DCLK1: variants seen among roughly 807,000 people sequenced by gnomAD.
The protein encoded by DCLK1 is doublecortin like kinase 1.
DCLK1 carries 16 observed loss-of-function variants against 86.2 expected under a neutral mutation model. The ratio of observed to expected loss-of-function variants is 0.19; its 90% CI spans 0.13 to 0.28. DCLK1 has a LOEUF of 0.28. DCLK1 is among the 10% of genes least tolerant of loss of function. DCLK1 has a pLI of 1.00. For synonymous variants in DCLK1, 369 were observed against 370.5 expected (o/e 1.00, Z 0.05); for missense variants, 590 against 940.2 (o/e 0.63, Z 4.87).
intron 4 of DCLK1, among the ~76,000 whole-genome samples, chr13:35,898,424 C>T (rs1480778330): frequency 6.6e-6 from 1 of 152,178 alleles, no homozygotes; most frequent in Non-Finnish European, 1.5e-5. Context: ...GAAAAACTTG[C>T]TTTTACTAAT....
intron 3 of DCLK1, among the ~76,000 whole-genome samples, chr13:36,082,976 C>T (rs1329153070): frequency 6.6e-6 from 1 of 151,432 alleles, no homozygotes; most frequent in Non-Finnish European, 1.5e-5. Context: ...AGGGAATGGG[C>T]TCTGTCCACA....
Position 35,901,653 on chromosome 13 carries a change from G to A in DCLK1, c.824-30313C>T, listed in dbSNP as rs543638113. On this transcript the variant is annotated intron_variant, in intron 4 of 16. Coordinates refer to ENST00000360631, the MANE Select transcript of DCLK1 (RefSeq NM_001330071.2). ...ACTCCCTTTGCGTGTTCTCTTACAG[G>A]CCTCCTCTCTTAGACCCTGGCCCAG... Among the ~76,000 whole-genome samples the A allele has an allele frequency of 2.0e-5, 3 of 151,948 alleles. No individual in the cohort carries two copies. The East Asian group carries it at 5.8e-4, about 29-fold the overall frequency.
At chr13:35,793,903 A>G (rs937187112) in intron 15 of DCLK1, among the ~76,000 whole-genome samples, 3 of 152,092 alleles carry the variant, frequency 2.0e-5, no homozygotes, top group Non-Finnish European at 2.9e-5. Flanking sequence ...AGGGTCTTGG[A>G]TGGCAAGCTT....
chr13:36,129,686 T>TATTG (rs1223856182), intron 1 of DCLK1, among the ~76,000 whole-genome samples: 1 of 152,204 alleles, frequency 6.6e-6, no homozygotes, highest in African/African-American at 2.4e-5. Context: ...CACAGCTCAA[T>TATTG]GTTCAGAGAC....
chr13:36,046,282 C>A (rs1194491475), intron 3 of DCLK1, among the ~76,000 whole-genome samples: 1 of 152,160 alleles, frequency 6.6e-6, no homozygotes, highest in Admixed American at 6.5e-5. Context: ...TGAAATAGTA[C>A]TTAATGGGTC....
intron 15 of DCLK1, 68 bp downstream of exon 15, chr13:35,805,631 G>C (rs11618474): frequency 6.7e-7 from 1 of 1,483,186 alleles, no homozygotes; most frequent in Non-Finnish European, 9.3e-7. Flanking sequence ...AATAACATTA[G>C]AAAATCTGCA....
intron 15 of DCLK1, among the ~76,000 whole-genome samples, chr13:35,802,286 T>G (rs1566540055): frequency 6.6e-6 from 1 of 150,976 alleles, no homozygotes; most frequent in Non-Finnish European, 1.5e-5. Flanking sequence ...GAGCCATGAT[T>G]GAGCCACTGC....
intron 7 of DCLK1, among the ~76,000 whole-genome samples, chr13:35,838,053 G>A (rs1385611456): frequency 1.1e-5 from 1 of 90,142 alleles, no homozygotes; most frequent in Non-Finnish European, 2.3e-5. Context: ...GAGACAGAGC[G>A]AGACTCCATC....
At chr13:35,785,689 C>T (rs769509761) in intron 16 of DCLK1, among the ~76,000 whole-genome samples, 1 of 152,114 alleles carries the variant, frequency 6.6e-6, no homozygotes. Context: ...AAAAAGCAAG[C>T]GCGACTCCCA....
chr13:36,017,997 A>G (rs747755973), intron 3 of DCLK1, among the ~76,000 whole-genome samples: 1 of 152,196 alleles, frequency 6.6e-6, no homozygotes, highest in Non-Finnish European at 1.5e-5. Flanking sequence ...CTCTATTTGC[A>G]CTGCTAATAA....
chr13:35,820,531 G>C (rs6563174), intron 11 of DCLK1, among the ~76,000 whole-genome samples: 1 of 151,994 alleles, frequency 6.6e-6, no homozygotes, highest in Non-Finnish European at 1.5e-5. Context: ...TTTACAGAAA[G>C]AGATAACACT....
chr13:36,002,816 A>G (rs975384289), intron 3 of DCLK1, among the ~76,000 whole-genome samples: 32 of 152,246 alleles, frequency 2.1e-4, no homozygotes, highest in African/African-American at 7.5e-4. Flanking sequence ...CCTGTGGCAA[A>G]TTAACTTAAT....
intron 4 of DCLK1, among the ~76,000 whole-genome samples, chr13:35,884,034 T>C (rs1873078528): frequency 6.6e-6 from 1 of 152,124 alleles, no homozygotes; most frequent in African/African-American, 2.4e-5. Flanking sequence ...ATTAGACTCA[T>C]TGGAGGTAGA....
chr13:35,776,145 A>T (rs1179331727), intron 16 of DCLK1, among the ~76,000 whole-genome samples: 1 of 152,208 alleles, frequency 6.6e-6, no homozygotes, highest in Non-Finnish European at 1.5e-5. Context: ...ATTTTTAAGG[A>T]TCCTCATATA....
chr13:35,911,059 G>A (rs369355033), intron 4 of DCLK1, among the ~76,000 whole-genome samples: 19 of 150,698 alleles, frequency 1.3e-4, no homozygotes, highest in East Asian at 5.9e-4. Context: ...AGAGGTGGGC[G>A]GATCACAAGA....
intron 3 of DCLK1, among the ~76,000 whole-genome samples, chr13:36,082,684 A>G (rs1427116599): frequency 6.6e-6 from 1 of 152,228 alleles, no homozygotes; most frequent in African/African-American, 2.4e-5. Context: ...GACCACCCTC[A>G]GAGAGCACAG....
intron 3 of DCLK1, among the ~76,000 whole-genome samples, chr13:36,081,138 CATTA>C (rs1167776756): frequency 2.0e-5 from 3 of 151,844 alleles, no homozygotes; most frequent in African/African-American, 7.3e-5. Context: ...TTCAGCATAA[CATTA>C]ATTAAATGGT....
intron 3 of DCLK1, among the ~76,000 whole-genome samples, chr13:36,000,377 G>T (rs971690987): frequency 6.6e-5 from 10 of 152,278 alleles, no homozygotes; most frequent in African/African-American, 2.2e-4. Flanking sequence ...AGTTCTAGGG[G>T]TGAGGATGAA....
intron 4 of DCLK1, among the ~76,000 whole-genome samples, chr13:35,899,407 G>T (rs1874214580): frequency 1.3e-5 from 2 of 150,816 alleles, no homozygotes; most frequent in African/African-American, 4.9e-5. Flanking sequence ...ACAATTAAGT[G>T]TACATAAAGT....
Sources: allele counts gnomAD v4.1 joint callset (sites outside exome capture counted in the v4.1 genomes callset), GRCh38; gene constraint gnomAD v4.1.1; transcripts MANE v1.5; gene names NCBI Gene and HGNC (gene_info 2026-07-23, HGNC 2026-07-21).